LAMTOR1: variants seen among roughly 807,000 people sequenced by gnomAD.
LAMTOR1 encodes the protein ragulator complex protein LAMTOR1.
Under a neutral mutation model 20.5 loss-of-function variants are expected in LAMTOR1, and 8 were observed. The observed-to-expected ratio is 0.39, with a 90% CI of 0.23 to 0.70. LAMTOR1 has a LOEUF of 0.70. Among genes scored for constraint, LAMTOR1 ranks in the 30% least tolerant of loss-of-function variants. LAMTOR1 has a pLI of 0.43. For missense variants in LAMTOR1, 135 were observed against 206.2 expected, an observed-to-expected ratio of 0.65 and a Z score of 2.11; for synonymous variants, 77 against 80.9, an observed-to-expected ratio of 0.95 and a Z score of 0.26.
At chr11:72,098,503 G>A in intron 3 of LAMTOR1, 88 bp from the exon 4 acceptor site, 1 of 1,467,608 alleles carries the variant, frequency 6.8e-7, no homozygotes, top group Non-Finnish European at 9.2e-7. Context: ...TCAGGCCAGA[G>A]AAGCAGGGTG....
At chr11:72,098,478 G>C in intron 3 of LAMTOR1, 63 bp from the exon 4 acceptor site, 1 of 1,552,890 alleles carries the variant, frequency 6.4e-7, no homozygotes. Context: ...CCCAGCCCAG[G>C]TAAGCCTCAT....
rs755246927 is a variant in LAMTOR1, at chr11:72,097,927, G to A, written c.394-13C>T. 4 of 1,578,722 alleles carry A rather than the reference G, an allele frequency of 2.5e-6. No individual in the cohort carries two copies. The highest frequency in any genetic ancestry group is 1.9e-4 in the Middle Eastern group (1 of 5,332). ...CTATCCTGGAGACCTGAGACAGAGA[G>A]GGGCCGGGGAGGAGAGGAACAGAGA... On this transcript the variant is annotated splice_polypyrimidine_tract_variant and intron_variant, in intron 4 of 4. Transcript: ENST00000278671.
chr11:72,102,211 A>G (rs1945468324), intron 1 of LAMTOR1, among the ~76,000 whole-genome samples: 1 of 152,230 alleles, frequency 6.6e-6, no homozygotes, highest in Non-Finnish European at 1.5e-5. Flanking sequence ...TTAGACCGTG[A>G]GCTACCTGAA....
In LAMTOR1 at chr11:72,097,427, T is replaced by C; in HGVS notation, c.*395A>G. On this transcript the variant is annotated 3_prime_UTR_variant, in exon 5 of 5. Coordinates refer to ENST00000278671, the MANE Select transcript of LAMTOR1 (RefSeq NM_017907.3). ...TCATCCAGACCCTGGTCACAAACCC[T>C]AGTGAGGTGCATGTGAGCACCAAGT... 9.8e-7 allele frequency: 1 copy of C among 1,020,948 alleles called. No individual in the cohort carries two copies. Among genetic ancestry groups the C allele is most frequent in the South Asian group, 3.9e-5 (1 of 25,728 alleles). 63.2% of individuals were successfully genotyped at this position (1,020,948 alleles called of 1,614,324 possible).
At chr11:72,101,953 T>C (rs1945457699) in intron 1 of LAMTOR1, among the ~76,000 whole-genome samples, 1 of 152,206 alleles carries the variant, frequency 6.6e-6, no homozygotes, top group Non-Finnish European at 1.5e-5. Context: ...GGCAGGGTTA[T>C]TGTTGTCTCT....
At position 72,097,492 on chromosome 11, in the gene LAMTOR1, A is replaced by G; in HGVS notation, c.*330T>C. 9.2e-7 allele frequency: 1 copy of G among 1,091,560 alleles called. No individual in the cohort carries two copies. The highest frequency in any genetic ancestry group is 1.1e-6 in the Non-Finnish European group (1 of 893,444). The allele number at this position is 1,091,560 out of a possible 1,614,324, so 67.6% of individuals were successfully genotyped here. ...AGGAGTGACTCTGAGGCCAACAGAG[A>G]GGGTGGGAAGGGGATCTCCCTAGGT... On this transcript the variant is annotated 3_prime_UTR_variant, in exon 5 of 5. Coordinates refer to ENST00000278671, the MANE Select transcript of LAMTOR1 (RefSeq NM_017907.3).
At chr11:72,098,898 C>T in intron 2 of LAMTOR1, 40 bp from the exon 3 acceptor site, 1 of 1,496,332 alleles carries the variant, frequency 6.7e-7, no homozygotes, top group Non-Finnish European at 9.0e-7. Flanking sequence ...ACAGGTGCTT[C>T]CGAGAAGGAC....
chr11:72,099,645 C>T (rs991379890), intron 1 of LAMTOR1, among the ~76,000 whole-genome samples: 16 of 152,184 alleles, frequency 1.1e-4, no homozygotes, highest in African/African-American at 3.6e-4. Context: ...GAAATCAGTG[C>T]AAGTCAAGAG....
rs1212515927 is a variant in LAMTOR1 at position 72,099,269 on chromosome 11, A to G, written c.43-13T>C. 6.5e-7 allele frequency: 1 copy of G among 1,536,570 alleles called. No individual in the cohort carries two copies. On this transcript the variant is annotated splice_polypyrimidine_tract_variant and intron_variant, in intron 1 of 4. Transcript: ENST00000278671. ...GCTCCTCTCGGTCCTAGAAGTGGTC[A>G]TGGGAGAGAAGTCAGCCCCAGGACC... is the stretch of plus-strand genomic sequence containing the variant.
intron 1 of LAMTOR1, 128 bp downstream of exon 1, chr11:72,103,055 G>A: frequency 8.0e-7 from 1 of 1,251,242 alleles, no homozygotes; most frequent in Non-Finnish European, 1.1e-6. Context: ...TCTGTAATCT[G>A]TCCCCTCCAG....
chr11:72,098,942 G>A (rs1945337098), intron 2 of LAMTOR1, 84 bp from the exon 3 acceptor site: 1 of 1,359,324 alleles, frequency 7.4e-7, no homozygotes, highest in Non-Finnish European at 1.0e-6. Flanking sequence ...CAACTCCAGG[G>A]CTATCTGACA....
intron 1 of LAMTOR1, among the ~76,000 whole-genome samples, chr11:72,100,291 C>G (rs1012515744): frequency 6.6e-6 from 1 of 152,134 alleles, no homozygotes; most frequent in Non-Finnish European, 1.5e-5. Context: ...TGTTCCCTCC[C>G]TTGCTAAACC....
At chr11:72,098,206 C>T (rs1945301218) in intron 4 of LAMTOR1, 83 bp downstream of exon 4, 1 of 1,564,492 alleles carries the variant, frequency 6.4e-7, no homozygotes. Flanking sequence ...TCCCTACCTC[C>T]TCTGAGGCAG....
At chr11:72,102,898 G>A (rs1013593872) in intron 1 of LAMTOR1, among the ~76,000 whole-genome samples, 1 of 152,246 alleles carries the variant, frequency 6.6e-6, no homozygotes, top group Non-Finnish European at 1.5e-5. Flanking sequence ...CTAGACTGAG[G>A]ATCCTTGAAT....
intron 2 of LAMTOR1, 86 bp downstream of exon 2, chr11:72,099,025 C>T (rs1945341028): frequency 6.5e-7 from 1 of 1,549,500 alleles, no homozygotes; most frequent in Non-Finnish European, 8.8e-7. Context: ...TGTCCCATCC[C>T]CCATGTCCTG....
At chr11:72,099,660 A>G (rs2135158982) in intron 1 of LAMTOR1, among the ~76,000 whole-genome samples, 1 of 152,342 alleles carries the variant, frequency 6.6e-6, no homozygotes, top group East Asian at 1.9e-4. Flanking sequence ...CAAGAGCCCA[A>G]GAACAGCCTT....
chr11:72,098,954 C>T, intron 2 of LAMTOR1, 96 bp from the exon 3 acceptor site: 1 of 1,347,398 alleles, frequency 7.4e-7, no homozygotes, highest in Non-Finnish European at 1.0e-6. Flanking sequence ...TATCTGACAC[C>T]AGTTTCCCTC....
At chr11:72,102,967 C>A (rs1945500572) in intron 1 of LAMTOR1, among the ~76,000 whole-genome samples, 1 of 152,250 alleles carries the variant, frequency 6.6e-6, no homozygotes, top group Admixed American at 6.5e-5. Flanking sequence ...GGACAGGCGG[C>A]TGCCTGCACA....
At chr11:72,098,125 A>T in intron 4 of LAMTOR1, 164 bp downstream of exon 4, 1 of 1,051,262 alleles carries the variant, frequency 9.5e-7, no homozygotes, top group African/African-American at 1.6e-5. Context: ...TAGGAAAGAC[A>T]TAAAAAGTTA....
Sources: gnomAD v4.1 joint callset for allele counts (sites outside exome capture counted in the v4.1 genomes callset) on GRCh38, gnomAD v4.1.1 for gene constraint, MANE v1.5 for transcripts, NCBI Gene and HGNC (gene_info 2026-07-23, HGNC 2026-07-21) for gene names.